Variants in LRRC4C observed in about 807,000 individuals in gnomAD.
LRRC4C encodes leucine-rich repeat-containing protein 4C.
LRRC4C carries 5 observed loss-of-function variants against 33.6 expected under a neutral mutation model. That is an observed-to-expected ratio of 0.15 (90% confidence interval 0.08 to 0.31). The LOEUF (loss-of-function observed/expected upper bound fraction) is 0.31, where lower values mean the gene tolerates loss of function less well. LRRC4C is among the 10% of genes least tolerant of loss of function. The pLI, the probability that LRRC4C is intolerant of heterozygous loss-of-function variation, is 1.00. For synonymous variants in LRRC4C, 329 were observed against 302.0 expected (o/e 1.09, Z -0.93); for missense variants, 560 against 796.7 (o/e 0.70, Z 3.58).
intron 1 of LRRC4C, among the ~76,000 whole-genome samples, chr11:40,998,423 C>T (rs1191566706): frequency 3.9e-5 from 6 of 151,976 alleles, no homozygotes; most frequent in Non-Finnish European, 8.8e-5. Flanking sequence ...AATAAAAAAT[C>T]TCAGACTGTA....
intron 1 of LRRC4C, among the ~76,000 whole-genome samples, chr11:41,083,665 C>A (rs748427583): frequency 1.3e-5 from 2 of 151,902 alleles, no homozygotes; most frequent in African/African-American, 4.8e-5. Context: ...TACTGTCAGG[C>A]GAAAAAAATT....
intron 2 of LRRC4C, among the ~76,000 whole-genome samples, chr11:40,914,117 T>C (rs1956829149): frequency 6.6e-6 from 1 of 152,128 alleles, no homozygotes; most frequent in South Asian, 2.1e-4. Context: ...CTACCAGAAG[T>C]ACAAGGAGCA....
intron 1 of LRRC4C, among the ~76,000 whole-genome samples, chr11:40,987,985 G>T (rs1177476357): frequency 6.6e-6 from 1 of 152,010 alleles, no homozygotes; most frequent in East Asian, 1.9e-4. Context: ...AACTCTTTGT[G>T]CCTCTATGTG....
At chr11:40,728,512 G>A (rs1947399289) in intron 2 of LRRC4C, among the ~76,000 whole-genome samples, 1 of 150,926 alleles carries the variant, frequency 6.6e-6, no homozygotes, top group Non-Finnish European at 1.5e-5. Context: ...TGTAGTCCCA[G>A]CCTCTCGGAA....
chr11:40,692,842 C>T (rs1258914158), intron 2 of LRRC4C, among the ~76,000 whole-genome samples: 1 of 152,012 alleles, frequency 6.6e-6, no homozygotes, highest in Non-Finnish European at 1.5e-5. Flanking sequence ...CCATCTATCA[C>T]AAATGTATTC....
intron 3 of LRRC4C, among the ~76,000 whole-genome samples, chr11:40,586,533 A>C (rs1312512247): frequency 1.3e-5 from 2 of 148,418 alleles, no homozygotes; most frequent in East Asian, 3.9e-4. Flanking sequence ...GGTGTTTTAG[A>C]CATGAAGTCC....
At chr11:40,632,991 T>A (rs753994329) in intron 3 of LRRC4C, among the ~76,000 whole-genome samples, 9 of 152,248 alleles carry the variant, frequency 5.9e-5, no homozygotes, top group Admixed American at 2.6e-4. Context: ...ATGTAATCCC[T>A]TTATCTTTGC....
chr11:41,332,076 C>T (rs914362320), intron 1 of LRRC4C, among the ~76,000 whole-genome samples: 17 of 152,158 alleles, frequency 1.1e-4, no homozygotes, highest in African/African-American at 3.9e-4. Context: ...CATTCTCCAT[C>T]TTGTTCACTG....
intron 4 of LRRC4C, among the ~76,000 whole-genome samples, chr11:40,302,528 TTCTG>T (rs1287618983): frequency 6.6e-6 from 1 of 152,124 alleles, no homozygotes; most frequent in African/African-American, 2.4e-5. Context: ...CATCCTTCTT[TTCTG>T]TCTTTTTTTT....
chr11:40,584,786 G>A (rs980431569), intron 3 of LRRC4C, among the ~76,000 whole-genome samples: 4 of 151,828 alleles, frequency 2.6e-5, no homozygotes, highest in African/African-American at 9.7e-5. Flanking sequence ...ACAAAAATTA[G>A]CCAGGCATGG....
intron 4 of LRRC4C, among the ~76,000 whole-genome samples, chr11:40,286,844 A>G (rs1031704282): frequency 6.6e-6 from 1 of 152,164 alleles, no homozygotes; most frequent in African/African-American, 2.4e-5. Flanking sequence ...AGGTTTGTCT[A>G]TTCCAAATCT....
chr11:41,119,355 G>A (rs1169818958), intron 1 of LRRC4C, among the ~76,000 whole-genome samples: 4 of 152,126 alleles, frequency 2.6e-5, no homozygotes, highest in African/African-American at 7.2e-5. Context: ...GCTAGTGAGT[G>A]GAGAAGTCAC....
chr11:41,281,136 A>G (rs1949667019), intron 1 of LRRC4C, among the ~76,000 whole-genome samples: 1 of 145,474 alleles, frequency 6.9e-6, no homozygotes, highest in African/African-American at 2.6e-5. Flanking sequence ...ACACACACAG[A>G]GGAACATTCT....
intron 1 of LRRC4C, among the ~76,000 whole-genome samples, chr11:40,991,204 T>TAAAAAA (rs1186155913): frequency 1.9e-5 from 2 of 103,340 alleles, no homozygotes; most frequent in East Asian, 2.8e-4. Context: ...TCCCAATATG[T>TAAAAAA]AAAAAAAAAA....
intron 2 of LRRC4C, among the ~76,000 whole-genome samples, chr11:40,694,986 T>C (rs879677999): frequency 2.6e-5 from 4 of 152,280 alleles, no homozygotes; most frequent in Non-Finnish European, 5.9e-5. Flanking sequence ...TATTCAGCTC[T>C]TCTGTTCCTG....
At chr11:40,722,980 G>T (rs1947102245) in intron 2 of LRRC4C, among the ~76,000 whole-genome samples, 2 of 152,080 alleles carry the variant, frequency 1.3e-5, no homozygotes, top group Admixed American at 1.3e-4. Flanking sequence ...AACAACAGAT[G>T]AGACCAAGCA....
chr11:41,446,791 A>G (rs1225041841), intron 1 of LRRC4C, among the ~76,000 whole-genome samples: 3 of 152,110 alleles, frequency 2.0e-5, no homozygotes, highest in Admixed American at 6.5e-5. Context: ...TTATTTTTCT[A>G]TTTATCTCAG....
At chr11:40,864,810 A>C (rs1954272301) in intron 2 of LRRC4C, among the ~76,000 whole-genome samples, 1 of 152,226 alleles carries the variant, frequency 6.6e-6, no homozygotes, top group Non-Finnish European at 1.5e-5. Context: ...TCAGGCTGTC[A>C]GCTTTTCAAC....
intron 1 of LRRC4C, among the ~76,000 whole-genome samples, chr11:41,105,053 C>G (rs574582866): frequency 6.6e-6 from 1 of 151,820 alleles, no homozygotes; most frequent in Admixed American, 6.6e-5. Flanking sequence ...TTGAACCACA[C>G]ATTTAAAATA....
Sources: gnomAD v4.1 joint callset for allele counts (sites outside exome capture counted in the v4.1 genomes callset) on GRCh38, gnomAD v4.1.1 for gene constraint, MANE v1.5 for transcripts, NCBI Gene and HGNC (gene_info 2026-07-23, HGNC 2026-07-21) for gene names.